The following PRKCE variants were observed in gnomAD, a reference collection of about 807,000 sequenced individuals.
The protein encoded by PRKCE is protein kinase C epsilon type.
In PRKCE, 16 loss-of-function variants were observed where a neutral mutation model predicts 85.4. That is an observed-to-expected ratio of 0.19 (90% CI 0.13 to 0.28). PRKCE has a LOEUF of 0.28. Ranked by LOEUF, PRKCE falls within the 10% of genes least tolerant of loss-of-function variation. PRKCE has a pLI of 1.00. For missense variants in PRKCE, 573 were observed against 975.2 expected (o/e 0.59, Z 5.49); for synonymous variants, 388 against 371.5 (o/e 1.04, Z -0.51).
At chr2:46,148,626 C>A (rs963556085) in intron 12 of PRKCE, among the ~76,000 whole-genome samples, 7 of 152,240 alleles carry the variant, frequency 4.6e-5, no homozygotes, top group Admixed American at 4.6e-4. Flanking sequence ...GCTAGCCAGT[C>A]ACAAGATGTT....
At chr2:46,127,254 TC>T (rs1673952226) in intron 11 of PRKCE, among the ~76,000 whole-genome samples, 1 of 152,236 alleles carries the variant, frequency 6.6e-6, no homozygotes, top group Admixed American at 6.5e-5. Flanking sequence ...ATTCTTAGGA[TC>T]TTTTTAATAC....
chr2:45,693,306 C>A (rs942943518), intron 1 of PRKCE, among the ~76,000 whole-genome samples: 2 of 152,166 alleles, frequency 1.3e-5, no homozygotes, highest in Admixed American at 6.5e-5. Context: ...AATCTGAGAT[C>A]ATTAAAGCTC....
At chr2:45,721,397 C>G (rs1455521337) in intron 1 of PRKCE, among the ~76,000 whole-genome samples, 2 of 152,126 alleles carry the variant, frequency 1.3e-5, no homozygotes, top group Non-Finnish European at 2.9e-5. Context: ...CAGGCAGTGT[C>G]TGATGAAATG....
chr2:45,962,320 G>A (rs10197354), intron 2 of PRKCE, among the ~76,000 whole-genome samples: 2 of 152,114 alleles, frequency 1.3e-5, no homozygotes, highest in South Asian at 4.1e-4. Context: ...AGGGCCTGTG[G>A]CCAGTAATAT....
chr2:46,022,369 C>G (rs1706742310), intron 10 of PRKCE, among the ~76,000 whole-genome samples: 1 of 152,210 alleles, frequency 6.6e-6, no homozygotes, highest in South Asian at 2.1e-4. Context: ...CATGGTATCA[C>G]TACAGGTTTA....
chr2:46,047,563 G>A (rs558826419), intron 10 of PRKCE, among the ~76,000 whole-genome samples: 9 of 152,234 alleles, frequency 5.9e-5, no homozygotes, highest in South Asian at 2.1e-4. Context: ...TGGAGATCAC[G>A]GTAAAACTCA....
intron 5 of PRKCE, among the ~76,000 whole-genome samples, chr2:45,983,342 G>A (rs188802287): frequency 5.9e-5 from 9 of 152,248 alleles, no homozygotes; most frequent in East Asian, 1.9e-4. Context: ...CAGCTTTGCC[G>A]CATGCCAGCC....
chr2:45,794,757 T>A (rs1182491119), intron 1 of PRKCE, among the ~76,000 whole-genome samples: 1 of 152,110 alleles, frequency 6.6e-6, no homozygotes, highest in Non-Finnish European at 1.5e-5. Context: ...CTCCTCCACT[T>A]CTAATTACTT....
At chr2:45,800,135 G>GC (rs1385616098) in intron 1 of PRKCE, among the ~76,000 whole-genome samples, 19 of 152,346 alleles carry the variant, frequency 1.2e-4, no homozygotes, top group Admixed American at 1.2e-3. Flanking sequence ...TAGTGGTGGC[G>GC]CAGGAGTGCC....
chr2:46,053,033 G>T (rs1303848780), intron 10 of PRKCE, among the ~76,000 whole-genome samples: 1 of 152,232 alleles, frequency 6.6e-6, no homozygotes, highest in Non-Finnish European at 1.5e-5. Flanking sequence ...TGAACTTACG[G>T]ATGAGAAAGC....
chr2:45,800,142 T>A (rs1687742763), intron 1 of PRKCE, among the ~76,000 whole-genome samples: 2 of 152,006 alleles, frequency 1.3e-5, no homozygotes, highest in African/African-American at 4.8e-5. Context: ...GGCGCAGGAG[T>A]GCCCAGCGGC....
chr2:46,142,514 G>T (rs530579743), intron 11 of PRKCE, among the ~76,000 whole-genome samples: 35 of 152,356 alleles, frequency 2.3e-4, no homozygotes, highest in African/African-American at 7.9e-4. Context: ...GTGACCAGGG[G>T]CGGGCTTCAG....
chr2:45,786,981 A>G lies in PRKCE; in HGVS notation c.349-56019A>G, dbSNP rs1296481500. On this transcript the variant is annotated intron_variant, in intron 1 of 14. Coordinates refer to ENST00000306156, the MANE Select transcript of PRKCE (RefSeq NM_005400.3). This position sits in a 1 kb window ranked among gnomAD's most constrained non-coding sequence, Gnocchi z 5.3. ...GGTGAGTCACTTGAGGCTTTGGTTC[A>G]AGTCGGGATTTCCCATCGGTTTCCC... Among the ~76,000 whole-genome samples the G allele has an allele frequency of 1.3e-5, 2 of 152,206 alleles. No individual in the cohort carries two copies. The highest frequency in any genetic ancestry group is 1.9e-4 in the East Asian group (1 of 5,200).
intron 2 of PRKCE, among the ~76,000 whole-genome samples, chr2:45,906,637 G>T (rs1573827360): frequency 6.6e-6 from 1 of 152,130 alleles, no homozygotes; most frequent in Admixed American, 6.5e-5. Flanking sequence ...GGGTTAGGTT[G>T]GGGGAAGCTA....
rs75689156 is a variant in PRKCE at position 45,810,481 on chromosome 2, A to G, written c.349-32519A>G. Among the ~76,000 whole-genome samples the G allele has an allele frequency of 8.0e-3, 1,216 of 152,336 alleles. 32 individuals carry two copies. In the East Asian group the frequency reaches 0.087, roughly 11 times the overall value. ...GCTGGTTCAAAGAAGGACTAAATAT[A>G]TATACACATAGATGCCACCAAGAAT... is the stretch of plus-strand genomic sequence containing the variant. On this transcript the variant is annotated intron_variant, in intron 1 of 14. Transcript: ENST00000306156.
intron 1 of PRKCE, among the ~76,000 whole-genome samples, chr2:45,665,468 A>G (rs1373752917): frequency 1.3e-5 from 2 of 152,222 alleles, no homozygotes; most frequent in Non-Finnish European, 2.9e-5. Context: ...ATGTTTGGGC[A>G]TTTAAGTAAG....
chr2:45,653,498 G>A (rs1470995221), intron 1 of PRKCE, among the ~76,000 whole-genome samples: 1 of 147,530 alleles, frequency 6.8e-6, no homozygotes, highest in Non-Finnish European at 1.5e-5. Context: ...GGAGGTATAT[G>A]TTTTCAGGGT....
At chr2:46,061,104 CTTTTTTTTTTTTTT>C (rs565280374) in intron 10 of PRKCE, among the ~76,000 whole-genome samples, 4 of 103,494 alleles carry the variant, frequency 3.9e-5, no homozygotes, top group Non-Finnish European at 5.7e-5. Context: ...CTTTTTTTTC[CTTTTTTTTTTTTTT>C]TTTTTTTTGA....
intron 1 of PRKCE, among the ~76,000 whole-genome samples, chr2:45,718,683 A>T (rs760883190): frequency 4.7e-4 from 71 of 152,160 alleles, no homozygotes; most frequent in Non-Finnish European, 8.2e-4. Context: ...GGTTCAAGTC[A>T]GGAAAATTGT....
Sources: allele counts gnomAD v4.1 joint callset (sites outside exome capture counted in the v4.1 genomes callset), GRCh38; gene constraint gnomAD v4.1.1; non-coding constraint Gnocchi (gnomAD v3.1); transcripts MANE v1.5; gene names NCBI Gene and HGNC (gene_info 2026-07-23, HGNC 2026-07-21).